OR10C1: variants seen among roughly 807,000 people sequenced by gnomAD.
OR10C1 encodes the protein olfactory receptor family 10 subfamily C member 1.
For missense variants in OR10C1, 388 were observed against 392.1 expected, an observed-to-expected ratio of 0.99 and a Z score of 0.09; for synonymous variants, 183 against 174.4, an observed-to-expected ratio of 1.05 and a Z score of -0.39.
chr6:29,440,733 T>A lies in OR10C1; in HGVS notation c.718T>A (p.Cys240Ser), dbSNP rs1409237225. ...GGGCCGCCGCAAGGCCTTCTCCACC[T>A]GCTCCTCCCACCTGATCATGGTCTC... The part of the protein sequence containing the change: ...VAGRRKAFST[C>S]SSHLIMVSLF... The change falls in exon 1 of 1, where the codon TGC becomes AGC. Residue 240 changes from cysteine to serine, a missense_variant. Coordinates refer to ENST00000444197, the MANE Select transcript of OR10C1 (RefSeq NM_013941.4). 1.2e-6 allele frequency: 2 copies of A among 1,613,960 alleles called. No individual in the cohort carries two copies. Among genetic ancestry groups the A allele is most frequent in the Admixed American group, 1.7e-5 (1 of 60,028 alleles).
At position 29,440,884 on chromosome 6, in the gene OR10C1, G is replaced by C. The variant is rs1389496409; in HGVS notation, c.869G>C (p.Ser290Thr). ...VTPILNPIIY[S>T]LRNTEVKAAL... is the part of the protein sequence containing the mutation. ...CCCATCCTCAACCCCATCATCTACAGCCTGCGGAACACAGAGGTCAAAGCT... is the reference window on the plus strand; with the variant it reads ...CCCATCCTCAACCCCATCATCTACACCCTGCGGAACACAGAGGTCAAAGCT... Residue 290 changes from serine to threonine, a missense_variant, in exon 1 of 1, where the codon AGC becomes ACC. Physicochemically the swap from Ser to Thr is moderately conservative, Grantham distance 58. Coordinates refer to ENST00000444197, the MANE Select transcript of OR10C1 (RefSeq NM_013941.4). 1 of 1,613,708 alleles carries C rather than the reference G, an allele frequency of 6.2e-7. No individual in the cohort carries two copies. Among genetic ancestry groups the C allele is most frequent in the African/African-American group, 1.3e-5 (1 of 74,894 alleles).
chr6:29,440,126 C>G lies in OR10C1; in HGVS notation c.111C>G (p.Thr37=). The G allele has an allele frequency of 6.8e-6, 11 of 1,613,356 alleles. No individual in the cohort carries two copies. The highest frequency in any genetic ancestry group is 8.5e-6 in the Non-Finnish European group (10 of 1,180,006). The change falls in exon 1 of 1, where the codon ACC becomes ACG. Residue 37 remains threonine, a synonymous_variant. Coordinates refer to ENST00000444197, the MANE Select transcript of OR10C1 (RefSeq NM_013941.4). The part of the protein sequence containing the change: ...FSVFLTIYLL[T]VAGNFLIVVL... The stretch of plus-strand genomic sequence containing the variant: ...TCTTTCTCACTATCTACCTGCTGAC[C>G]GTGGCAGGCAATTTCCTCATTGTGG...
rs527534566 is a variant in OR10C1 at position 29,439,689 on chromosome 6, G to C, written c.-327G>C. 9.2e-5 allele frequency: 34 copies of C among 367,596 alleles called. No homozygotes were observed. Among genetic ancestry groups the C allele is most frequent in the African/African-American group, 7.0e-4 (34 of 48,560 alleles). The allele number at this position is 367,596 out of a possible 1,614,324, so 22.8% of individuals were successfully genotyped here. ...TCAGAAAAGAGTGAAAAGGGAGCTA[G>C]ACTGACTTAATCTTCAGCCCAGGTA... On this transcript the variant is annotated 5_prime_UTR_variant, in exon 1 of 1. Coordinates refer to ENST00000444197, the MANE Select transcript of OR10C1 (RefSeq NM_013941.4).
rs1287008027 is a variant in OR10C1, at chr6:29,440,371, A to G, written c.356A>G (p.Tyr119Cys). 2 of 1,614,046 alleles carry G rather than the reference A, an allele frequency of 1.2e-6. No individual in the cohort carries two copies. The highest frequency in any genetic ancestry group is 8.5e-7 in the Non-Finnish European group (1 of 1,180,020). ...TECCLLAAMA[Y>C]DRYAAICEPL... ...TGCTGCCTCCTGGCAGCCATGGCCT[A>G]TGACCGCTATGCAGCCATCTGTGAA... Residue 119 changes from tyrosine to cysteine, a missense_variant, in exon 1 of 1, where the codon TAT becomes TGT. Tyr to Cys is a radical substitution (Grantham distance 194, BLOSUM62 -2). Transcript: ENST00000444197.
chr6:29,440,126 C>A lies in OR10C1; in HGVS notation c.111C>A (p.Thr37=), dbSNP rs1016294812. ...TCTTTCTCACTATCTACCTGCTGAC[C>A]GTGGCAGGCAATTTCCTCATTGTGG... The part of the protein sequence containing the change: ...FSVFLTIYLL[T]VAGNFLIVVL... Residue 37 remains threonine (T), a synonymous_variant, in exon 1 of 1, where the codon ACC becomes ACA. Coordinates refer to ENST00000444197, the MANE Select transcript of OR10C1 (RefSeq NM_013941.4). The A allele has an allele frequency of 1.4e-5, 22 of 1,613,238 alleles. No homozygotes were observed. Among genetic ancestry groups the A allele is most frequent in the Admixed American group, 1.2e-4 (7 of 59,998 alleles).
At position 29,440,297 on chromosome 6, in the gene OR10C1, T is replaced by C; in HGVS notation, c.282T>C (p.Ser94=). 1 of 1,614,096 alleles carries C rather than the reference T, an allele frequency of 6.2e-7. No homozygotes were observed. The highest frequency in any genetic ancestry group is 8.5e-7 in the Non-Finnish European group (1 of 1,180,032). ...CTGGCCGGCGCCACATCTCTCGCTC[T>C]GGATGTGCTCTCCAGATGTTCTTCT... ...LLTGRRHISR[S]GCALQMFFFL... Residue 94 remains serine (S), a synonymous_variant, in exon 1 of 1, where the codon TCT becomes TCC. Transcript: ENST00000444197.
rs1582567549 is a variant in OR10C1 at position 29,439,903 on chromosome 6, C to G, written c.-113C>G. On this transcript the variant is annotated 5_prime_UTR_variant, in exon 1 of 1. The change creates a new upstream start codon in the 5' untranslated region. Coordinates refer to ENST00000444197, the MANE Select transcript of OR10C1 (RefSeq NM_013941.4). ...ATGATATTCTAATAGAAAGGGAGATCTAGTGCTGCGATCAGATGCAGAGAG... is the reference window on the plus strand; with the variant it reads ...ATGATATTCTAATAGAAAGGGAGATGTAGTGCTGCGATCAGATGCAGAGAG... 2 of 759,272 alleles carry G rather than the reference C, an allele frequency of 2.6e-6. No homozygotes were observed. Among genetic ancestry groups the G allele is most frequent in the Non-Finnish European group, 2.2e-6 (1 of 458,880 alleles). The allele number at this position is 759,272 out of a possible 1,614,324, so 47.0% of individuals were successfully genotyped here. A position where few individuals can be genotyped will look rare whatever the true frequency, so the allele number is the denominator to read the frequency against.
chr6:29,440,299 G>C lies in OR10C1; in HGVS notation c.284G>C (p.Gly95Ala). The change falls in exon 1 of 1, where the codon GGA becomes GCA. Residue 95 changes from glycine (G) to alanine (A), a missense_variant. Physicochemically the swap from Gly to Ala is moderately conservative, Grantham distance 60 (BLOSUM62 0). Coordinates refer to ENST00000444197, the MANE Select transcript of OR10C1 (RefSeq NM_013941.4). The stretch of plus-strand genomic sequence containing the variant: ...GGCCGGCGCCACATCTCTCGCTCTG[G>C]ATGTGCTCTCCAGATGTTCTTCTTC... Reference protein sequence around the residue: ...LTGRRHISRSGCALQMFFFLF... With the variant: ...LTGRRHISRSACALQMFFFLF... 1 of 1,614,056 alleles carries C rather than the reference G, an allele frequency of 6.2e-7. No homozygotes were observed. The highest frequency in any genetic ancestry group is 1.1e-5 in the South Asian group (1 of 91,074).
Position 29,440,671 on chromosome 6 carries a change from G to A in OR10C1, c.656G>A (p.Arg219His), listed in dbSNP as rs74711365. 84 of 1,614,090 alleles carry A rather than the reference G, an allele frequency of 5.2e-5. No homozygotes were observed. The highest frequency in any genetic ancestry group is 6.7e-5 in the Non-Finnish European group (79 of 1,180,006). ...PFGLILGSYG[R>H]ILVTIFRIPS... Reference sequence around the variant, plus strand: ...GGCCTCATCCTGGGCTCCTACGGGCGTATCCTCGTTACCATCTTCCGGATC... The same window carrying A: ...GGCCTCATCCTGGGCTCCTACGGGCATATCCTCGTTACCATCTTCCGGATC... Residue 219 changes from arginine to histidine, a missense_variant, in exon 1 of 1, where the codon CGT becomes CAT. By Grantham distance (29) the Arg-to-His change is conservative. Coordinates refer to ENST00000444197, the MANE Select transcript of OR10C1 (RefSeq NM_013941.4).
chr6:29,439,511 T>C lies in OR10C1; in HGVS notation c.-505T>C, dbSNP rs1783920481. The C allele has an allele frequency of 6.5e-6, 1 of 153,970 alleles. No individual in the cohort carries two copies. The highest frequency in any genetic ancestry group is 1.4e-5 in the Non-Finnish European group (1 of 69,482). 9.5% of individuals were successfully genotyped at this position (153,970 alleles called of 1,614,324 possible). A position where few individuals can be genotyped will look rare whatever the true frequency, so the allele number is the denominator to read the frequency against. ...AAAAAGAAGAAAGACTAAGTGAATC[T>C]GGTAACTAAAGAAAGAGCTGGAAAA... On this transcript the variant is annotated 5_prime_UTR_variant, in exon 1 of 1. Transcript: ENST00000444197.
At position 29,440,694 on chromosome 6, in the gene OR10C1, A is replaced by G; in HGVS notation, c.679A>G (p.Ile227Val). 6.2e-7 allele frequency: 1 copy of G among 1,613,988 alleles called. No homozygotes were observed. The highest frequency in any genetic ancestry group is 8.5e-7 in the Non-Finnish European group (1 of 1,179,992). ...YGRILVTIFR[I>V]PSVAGRRKAF... is the part of the protein sequence containing the mutation. ...GCGTATCCTCGTTACCATCTTCCGG[A>G]TCCCATCTGTTGCGGGCCGCCGCAA... The change falls in exon 1 of 1, where the codon ATC becomes GTC. Residue 227 changes from isoleucine to valine, a missense_variant. Transcript: ENST00000444197.
In OR10C1 at chr6:29,440,098, CTG is replaced by C; in HGVS notation, c.85_86del (p.Val29LeufsTer22). ...GCCGACCTCCAGGGCTTGCTCTTCT[CTG>C]TCTTTCTCACTATCTACCTGCTGAC... On this transcript the variant is annotated frameshift_variant, in exon 1 of 1. Transcript: ENST00000444197. LOFTEE classifies it low-confidence loss of function (END_TRUNC). The C allele has an allele frequency of 6.2e-7, 1 of 1,613,352 alleles. No individual in the cohort carries two copies. The highest frequency in any genetic ancestry group is 8.5e-7 in the Non-Finnish European group (1 of 1,180,032).
At position 29,440,277 on chromosome 6, in the gene OR10C1, C is replaced by A. The variant is rs781721806; in HGVS notation, c.262C>A (p.Arg88=). ...PLLLHHLLTG[R]RHISRSGCAL... ...GCTACTTCACCACCTCCTTACTGGC[C>A]GGCGCCACATCTCTCGCTCTGGATG... Residue 88 remains arginine, a synonymous_variant, in exon 1 of 1, where the codon CGG becomes AGG. Coordinates refer to ENST00000444197, the MANE Select transcript of OR10C1 (RefSeq NM_013941.4). The A allele has an allele frequency of 6.2e-7, 1 of 1,613,918 alleles. No homozygotes were observed. Among genetic ancestry groups the A allele is most frequent in the African/African-American group, 1.3e-5 (1 of 74,938 alleles).
Position 29,440,734 on chromosome 6 carries a change from GCTCC to G in OR10C1, c.720_723del (p.Ser241ProfsTer3), listed in dbSNP as rs755081985. ...GGCCGCCGCAAGGCCTTCTCCACCT[GCTCC>G]TCCCACCTGATCATGGTCTCCCTCT... On this transcript the variant is annotated frameshift_variant, in exon 1 of 1. Coordinates refer to ENST00000444197, the MANE Select transcript of OR10C1 (RefSeq NM_013941.4). LOFTEE classifies it low-confidence loss of function (END_TRUNC). The G allele has an allele frequency of 6.2e-7, 1 of 1,613,930 alleles. No homozygotes were observed. Among genetic ancestry groups the G allele is most frequent in the South Asian group, 1.1e-5 (1 of 91,086 alleles).
Position 29,439,528 on chromosome 6 carries a change from G to C in OR10C1, c.-488G>C, listed in dbSNP as rs1324948611. ...AGTGAATCTGGTAACTAAAGAAAGA[G>C]CTGGAAAAAAGAAAACTAGAGGGCA... On this transcript the variant is annotated 5_prime_UTR_variant, in exon 1 of 1. Coordinates refer to ENST00000444197, the MANE Select transcript of OR10C1 (RefSeq NM_013941.4). 6.4e-6 allele frequency: 1 copy of C among 155,040 alleles called. No homozygotes were observed. The highest frequency in any genetic ancestry group is 1.4e-5 in the Non-Finnish European group (1 of 70,220). The allele number at this position is 155,040 out of a possible 1,614,324, so 9.6% of individuals were successfully genotyped here.
Position 29,440,203 on chromosome 6 carries a change from G to T in OR10C1, c.188G>T (p.Arg63Leu), listed in dbSNP as rs779708085. ...ALQSPMYFFL[R>L]TLSALEIGYT... ...CAGTCCCCTATGTACTTCTTCCTGC[G>T]CACCCTCTCGGCCTTGGAGATTGGC... The change falls in exon 1 of 1, where the codon CGC (arginine) becomes CTC (leucine). Residue 63 changes from arginine to leucine, a missense_variant. Arg to Leu is a moderately radical substitution (Grantham distance 102). Transcript: ENST00000444197. 2 of 1,613,658 alleles carry T rather than the reference G, an allele frequency of 1.2e-6. No homozygotes were observed. The highest frequency in any genetic ancestry group is 1.1e-5 in the South Asian group (1 of 91,076).
Position 29,440,625 on chromosome 6 carries a change from C to A in OR10C1, c.610C>A (p.Leu204Ile). The A allele has an allele frequency of 6.2e-7, 1 of 1,614,044 alleles. No homozygotes were observed. The highest frequency in any genetic ancestry group is 8.5e-7 in the Non-Finnish European group (1 of 1,179,980). Residue 204 changes from leucine (L) to isoleucine (I), a missense_variant, in exon 1 of 1, where the codon CTC (leucine) becomes ATC (isoleucine). Transcript: ENST00000444197. ...ACTGCAGATTATCCTGGCAACAGCC[C>A]TCCTCATCCTCTGCCCCTTTGGCCT... ...NELQIILATA[L>I]LILCPFGLIL...
rs749717713 is a variant in OR10C1 at position 29,440,619 on chromosome 6, A to G, written c.604A>G (p.Thr202Ala). The change falls in exon 1 of 1, where the codon ACA becomes GCA. Residue 202 changes from threonine (T) to alanine (A), a missense_variant. Coordinates refer to ENST00000444197, the MANE Select transcript of OR10C1 (RefSeq NM_013941.4). ...SLNELQIILA[T>A]ALLILCPFGL... is the part of the protein sequence containing the mutation. ...TAATGAACTGCAGATTATCCTGGCA[A>G]CAGCCCTCCTCATCCTCTGCCCCTT... The G allele has an allele frequency of 6.2e-7, 1 of 1,613,968 alleles. No homozygotes were observed. The highest frequency in any genetic ancestry group is 1.3e-5 in the African/African-American group (1 of 74,922).
At position 29,440,372 on chromosome 6, in the gene OR10C1, T is replaced by A. The variant is rs1311437010; in HGVS notation, c.357T>A (p.Tyr119Ter). Reference sequence around the variant, plus strand: ...GCTGCCTCCTGGCAGCCATGGCCTATGACCGCTATGCAGCCATCTGTGAAC... The same window carrying A: ...GCTGCCTCCTGGCAGCCATGGCCTAAGACCGCTATGCAGCCATCTGTGAAC... ...TECCLLAAMA[Y>*]DRYAAICEPL... Residue 119 changes from tyrosine to a stop codon, truncating the protein, a stop_gained, in exon 1 of 1, where the codon TAT becomes TAA. Coordinates refer to ENST00000444197, the MANE Select transcript of OR10C1 (RefSeq NM_013941.4). LOFTEE classifies it low-confidence loss of function (END_TRUNC). The A allele has an allele frequency of 6.2e-7, 1 of 1,614,040 alleles. No individual in the cohort carries two copies. Among genetic ancestry groups the A allele is most frequent in the Non-Finnish European group, 8.5e-7 (1 of 1,180,036 alleles).
Sources: allele counts gnomAD v4.1 joint callset, GRCh38; gene constraint gnomAD v4.1.1; transcripts MANE v1.5; gene names NCBI Gene and HGNC (gene_info 2026-07-23, HGNC 2026-07-21).